CEP128: variants seen among roughly 807,000 people sequenced by gnomAD.
CEP128 encodes centrosomal protein 128, also known as centrosomal protein 128kDa.
A neutral mutation model predicts 156.7 loss-of-function variants in CEP128; 132 were observed. That is an observed-to-expected ratio of 0.84 (90% CI 0.73 to 0.97). The LOEUF is 0.97. Ranked by LOEUF, CEP128 falls within the 50% of genes least tolerant of loss-of-function variation. The probability of loss-of-function intolerance (pLI) is 0.00; values close to 1 mark genes in which losing one functional copy is unlikely to be tolerated. For synonymous variants in CEP128, 469 were observed against 448.9 expected (o/e 1.04, Z -0.57); for missense variants, 1,252 against 1,281.9 (o/e 0.98, Z 0.36).
At chr14:80,621,861 T>C (rs1428239565) in intron 19 of CEP128, among the ~76,000 whole-genome samples, 1 of 152,208 alleles carries the variant, frequency 6.6e-6, no homozygotes, top group Non-Finnish European at 1.5e-5. Flanking sequence ...CCTTACCGTA[T>C]GTTGTTTATT....
At chr14:80,568,790 T>C (rs1891022539) in intron 20 of CEP128, among the ~76,000 whole-genome samples, 1 of 152,058 alleles carries the variant, frequency 6.6e-6, no homozygotes, top group Non-Finnish European at 1.5e-5. Context: ...CTCTTCTTTC[T>C]AAGAACAACG....
At chr14:80,572,900 T>C (rs949108665) in intron 20 of CEP128, among the ~76,000 whole-genome samples, 1 of 152,156 alleles carries the variant, frequency 6.6e-6, no homozygotes, top group Non-Finnish European at 1.5e-5. Context: ...TTACCTATTC[T>C]GTAAAACACA....
downstream of CEP128, among the ~76,000 whole-genome samples, chr14:80,492,195 G>A (rs1388705604): frequency 1.3e-5 from 2 of 152,172 alleles, no homozygotes; most frequent in African/African-American, 4.8e-5. Flanking sequence ...TGGCTATAAG[G>A]TGATGAAGGT....
chr14:80,751,122 T>A (rs998688905), intron 18 of CEP128, among the ~76,000 whole-genome samples: 2 of 152,152 alleles, frequency 1.3e-5, no homozygotes. Context: ...CCTCCAGAAC[T>A]GTGAGAAAAT....
chr14:80,574,316 A>G (rs117885496), intron 20 of CEP128, among the ~76,000 whole-genome samples: 3,601 of 152,126 alleles, frequency 0.024, 86 homozygotes, highest in Non-Finnish European at 0.034. Context: ...TCTAAAATGG[A>G]CTCGTGGCTG....
downstream of CEP128, among the ~76,000 whole-genome samples, chr14:80,493,191 T>C (rs1887382683): frequency 6.6e-6 from 1 of 152,210 alleles, no homozygotes; most frequent in African/African-American, 2.4e-5. Context: ...CAGTCTAGCA[T>C]ATGCCTGTTT....
chr14:80,611,165 G>T lies in CEP128; in HGVS notation c.2807-30742C>A, dbSNP rs141841140. 1.7e-4 allele frequency among the ~76,000 whole-genome samples: 26 copies of T among 151,794 alleles called. No individual in the cohort carries two copies. In the East Asian group the frequency reaches 5.0e-3, roughly 29 times the overall value. On this transcript the variant is annotated intron_variant, in intron 19 of 24. Transcript: ENST00000555265. ...AACATATTTATTGAGAACCTATTAT[G>T]TTTGAAAAACTATAAGATAAGGAGT...
At chr14:80,544,833 A>C (rs1234509231) in intron 21 of CEP128, among the ~76,000 whole-genome samples, 1 of 152,174 alleles carries the variant, frequency 6.6e-6, no homozygotes, top group African/African-American at 2.4e-5. Flanking sequence ...AGAATATGAG[A>C]TCACCAAGAT....
intron 19 of CEP128, among the ~76,000 whole-genome samples, chr14:80,691,945 A>C (rs1270975298): frequency 6.6e-6 from 1 of 152,212 alleles, no homozygotes; most frequent in African/African-American, 2.4e-5. Context: ...TGAAAAGCAA[A>C]GAAAATATGC....
At chr14:80,696,199 G>A (rs928152455) in intron 19 of CEP128, among the ~76,000 whole-genome samples, 2 of 152,192 alleles carry the variant, frequency 1.3e-5, no homozygotes, top group African/African-American at 4.8e-5. Context: ...GGAAAGACCT[G>A]CAAGTGTCTA....
intron 17 of CEP128, 84 bp downstream of exon 17, chr14:80,761,353 G>T: frequency 9.5e-7 from 1 of 1,056,800 alleles, no homozygotes; most frequent in South Asian, 2.0e-5. Flanking sequence ...ATAATAATCT[G>T]ACTACCACAC....
chr14:80,544,427 A>G (rs1418902461), intron 21 of CEP128, among the ~76,000 whole-genome samples: 1 of 152,150 alleles, frequency 6.6e-6, no homozygotes, highest in Non-Finnish European at 1.5e-5. Context: ...TTCCTAGCTT[A>G]TGTAGACAGC....
At chr14:80,837,410 C>T (rs373813952) in intron 11 of CEP128, among the ~76,000 whole-genome samples, 15 of 152,144 alleles carry the variant, frequency 9.9e-5, no homozygotes, top group African/African-American at 3.4e-4. Context: ...GAATGCAAAA[C>T]GTTATACTTT....
chr14:80,708,044 T>C (rs1897283072), intron 19 of CEP128, among the ~76,000 whole-genome samples: 1 of 152,212 alleles, frequency 6.6e-6, no homozygotes, highest in Admixed American at 6.5e-5. Flanking sequence ...TGCCATTTGA[T>C]GTAGAAATAT....
chr14:80,502,676 T>C (rs1887792929), intron 24 of CEP128, among the ~76,000 whole-genome samples: 1 of 152,170 alleles, frequency 6.6e-6, no homozygotes, highest in African/African-American at 2.4e-5. Context: ...GTGGATTTAA[T>C]ATTTTCTCTT....
chr14:80,877,874 A>C (rs1595535296), intron 8 of CEP128, among the ~76,000 whole-genome samples: 4 of 149,180 alleles, frequency 2.7e-5, no homozygotes, highest in Admixed American at 6.7e-5. Context: ...GACAATACCC[A>C]CCCCCCACCG....
intron 13 of CEP128, among the ~76,000 whole-genome samples, chr14:80,814,501 T>TA (rs35086244): frequency 2.6e-5 from 4 of 151,078 alleles, no homozygotes; most frequent in Admixed American, 1.3e-4. Context: ...AAATTATTGG[T>TA]AAAAAAAAGA....
intron 2 of CEP128, among the ~76,000 whole-genome samples, chr14:80,928,559 A>G (rs1885275629): frequency 6.6e-6 from 1 of 152,174 alleles, no homozygotes; most frequent in Non-Finnish European, 1.5e-5. Context: ...CAGAGCTCGA[A>G]AACAAGGCTT....
Position 80,866,961 on chromosome 14 carries a change from T to C in CEP128, c.646-4088A>G, listed in dbSNP as rs146622371. Reference sequence around the variant, plus strand: ...AACCCTATATATACCATGAACAATTTTTCCCTTCATAATTTCACAGACAGT... The same window carrying C: ...AACCCTATATATACCATGAACAATTCTTCCCTTCATAATTTCACAGACAGT... On this transcript the variant is annotated intron_variant, in intron 8 of 24. Coordinates refer to ENST00000555265, the MANE Select transcript of CEP128 (RefSeq NM_152446.5). Among the ~76,000 whole-genome samples the C allele has an allele frequency of 9.3e-4, 141 of 152,316 alleles. 1 individual carries two copies. The highest frequency in any genetic ancestry group is 3.3e-3 in the African/African-American group (137 of 41,572).
Sources: gnomAD v4.1 joint callset for allele counts (sites outside exome capture counted in the v4.1 genomes callset) on GRCh38, gnomAD v4.1.1 for gene constraint, MANE v1.5 for transcripts, NCBI Gene and HGNC (gene_info 2026-07-23, HGNC 2026-07-21) for gene names.